CSMD2: variants seen among roughly 807,000 people sequenced by gnomAD.
CSMD2 encodes the protein CUB and sushi domain-containing protein 2.
CSMD2 carries 130 observed loss-of-function variants against 398.5 expected under a neutral mutation model. The observed-to-expected ratio is 0.33, with a 90% CI of 0.28 to 0.38. The LOEUF is 0.38. Ranked by LOEUF, CSMD2 falls within the 10% of genes least tolerant of loss-of-function variation. The pLI is 1.00. For missense variants in CSMD2, 3,829 were observed against 4,764.9 expected, an observed-to-expected ratio of 0.80 and a Z score of 5.78; for synonymous variants, 1,828 against 1,908.5, an observed-to-expected ratio of 0.96 and a Z score of 1.10.
intron 2 of CSMD2, among the ~76,000 whole-genome samples, chr1:34,049,617 G>C (rs1454829985): frequency 2.6e-5 from 4 of 152,174 alleles, no homozygotes; most frequent in Non-Finnish European, 4.4e-5. Context: ...CAAGTGTATA[G>C]AGTGAGGTGC....
rs564949396 is a variant in CSMD2 at position 33,533,387 on chromosome 1, A to G, written c.9992-158T>C. On this transcript the variant is annotated intron_variant, in intron 63 of 70. Coordinates refer to ENST00000373381, the MANE Select transcript of CSMD2 (RefSeq NM_001281956.2). The surrounding 1 kb of genome is among the most constrained non-coding windows in gnomAD (Gnocchi z 4.2). ...CTCCCTAATCCTCCACCCTAACCCA[A>G]GCTCTGTGTCTAGAGGAATGGCCAA... Among the ~76,000 whole-genome samples, 35 of 152,166 alleles carry G rather than the reference A, an allele frequency of 2.3e-4. No individual in the cohort carries two copies. In the East Asian group the frequency reaches 6.4e-3, roughly 28 times the overall value.
intron 24 of CSMD2, among the ~76,000 whole-genome samples, chr1:33,696,443 T>C (rs1645421404): frequency 6.6e-6 from 1 of 152,090 alleles, no homozygotes; most frequent in Admixed American, 6.5e-5. Flanking sequence ...CAAGGTGCTG[T>C]TGGGGTGGGA....
intron 5 of CSMD2, among the ~76,000 whole-genome samples, chr1:33,897,879 C>T (rs10914808): frequency 0.82 from 124,136 of 152,258 alleles, 51,403 homozygotes; most frequent in African/African-American, 0.95. Context: ...AGAGACCCGA[C>T]GGAGGAGGTA....
intron 11 of CSMD2, among the ~76,000 whole-genome samples, chr1:33,790,276 G>GAGA (rs1654070603): frequency 3.3e-5 from 5 of 152,318 alleles, no homozygotes; most frequent in Non-Finnish European, 7.4e-5. Context: ...GGGTGTTTCT[G>GAGA]TGAGAGTGTG....
At chr1:33,976,926 C>A (rs1645987398) in intron 3 of CSMD2, among the ~76,000 whole-genome samples, 1 of 151,920 alleles carries the variant, frequency 6.6e-6, no homozygotes, top group Admixed American at 6.6e-5. Flanking sequence ...TCGTGGAGTT[C>A]AGAGCTTTTC....
In CSMD2 at chr1:33,520,628, G is replaced by A. The variant is rs113662674; in HGVS notation, c.10598-678C>T. Among the ~76,000 whole-genome samples the A allele has an allele frequency of 2.7e-3, 410 of 152,352 alleles. 1 individual carries two copies. The highest frequency in any genetic ancestry group is 9.5e-3 in the African/African-American group (397 of 41,580). On this transcript the variant is annotated intron_variant, in intron 68 of 70. Transcript: ENST00000373381. ...AGTGGTCTCAGTCCATGCAGCTCAT[G>A]AGGGCAGAGCTGGGACAACTCCGGG...
chr1:33,876,621 G>A (rs532280215), intron 5 of CSMD2, among the ~76,000 whole-genome samples: 1 of 152,324 alleles, frequency 6.6e-6, no homozygotes, highest in East Asian at 1.9e-4. Flanking sequence ...GAGACACAGA[G>A]AGGTTAGGCG....
chr1:34,093,838 G>A (rs1488571648), intron 1 of CSMD2, among the ~76,000 whole-genome samples: 2 of 152,146 alleles, frequency 1.3e-5, no homozygotes, highest in African/African-American at 2.4e-5. Flanking sequence ...CACTCTGCAG[G>A]ATATTATCCC....
At chr1:33,672,198 G>A (rs1644527232) in intron 25 of CSMD2, among the ~76,000 whole-genome samples, 1 of 152,240 alleles carries the variant, frequency 6.6e-6, no homozygotes, top group South Asian at 2.1e-4. Flanking sequence ...AGCACAAGGG[G>A]TCAGGAAATT....
chr1:33,935,657 G>T, intron 4 of CSMD2, 103 bp downstream of exon 4: 1 of 1,245,246 alleles, frequency 8.0e-7, no homozygotes, highest in East Asian at 2.6e-5. Flanking sequence ...CCCCCTCCCT[G>T]CTGGGGTGTA....
chr1:33,963,410 C>T (rs1315983018), intron 3 of CSMD2, among the ~76,000 whole-genome samples: 7 of 152,218 alleles, frequency 4.6e-5, no homozygotes, highest in Non-Finnish European at 1.0e-4. Flanking sequence ...AAAGTGTACA[C>T]ACTTTATTTT....
Position 33,519,054 on chromosome 1 carries a change from A to G in CSMD2, c.*53+411T>C, listed in dbSNP as rs1487645190. On this transcript the variant is annotated intron_variant, in intron 70 of 70. Coordinates refer to ENST00000373381, the MANE Select transcript of CSMD2 (RefSeq NM_001281956.2). The surrounding 1 kb of genome is among the most constrained non-coding windows in gnomAD (Gnocchi z 5.6). The stretch of plus-strand genomic sequence containing the variant: ...TGACTTCGACCCAGAGGATGTATAT[A>G]TCCAGTTGGTTCTGTTTCTCTAGAG... 6.6e-6 allele frequency among the ~76,000 whole-genome samples: 1 copy of G among 152,126 alleles called. No homozygotes were observed. Among genetic ancestry groups the G allele is most frequent in the Non-Finnish European group, 1.5e-5 (1 of 68,026 alleles).
chr1:33,968,450 G>A (rs1354872944), intron 3 of CSMD2, among the ~76,000 whole-genome samples: 1 of 152,228 alleles, frequency 6.6e-6, no homozygotes, highest in Non-Finnish European at 1.5e-5. Flanking sequence ...GGGATGGGAT[G>A]TCACCCCTAT....
chr1:34,061,054 A>G (rs1023424178), intron 2 of CSMD2, among the ~76,000 whole-genome samples: 2 of 152,052 alleles, frequency 1.3e-5, no homozygotes, highest in Non-Finnish European at 2.9e-5. Context: ...GCACTTCCCA[A>G]CCCCTGCAGC....
chr1:33,974,316 C>T (rs1645880331), intron 3 of CSMD2, among the ~76,000 whole-genome samples: 1 of 152,204 alleles, frequency 6.6e-6, no homozygotes, highest in Non-Finnish European at 1.5e-5. Flanking sequence ...GTTCCAGAAA[C>T]TGATAACCCA....
chr1:33,557,616 AG>A (rs1658136629), intron 55 of CSMD2, 117 bp downstream of exon 55: 1 of 848,514 alleles, frequency 1.2e-6, no homozygotes, highest in Non-Finnish European at 1.7e-6. Context: ...ATACATGTGC[AG>A]ACACACACAC....
chr1:33,832,994 T>C (rs1212705416), intron 6 of CSMD2, among the ~76,000 whole-genome samples: 1 of 150,684 alleles, frequency 6.6e-6, no homozygotes, highest in Non-Finnish European at 1.5e-5. Flanking sequence ...GGATCTGAAA[T>C]TGTGGCAATA....
intron 6 of CSMD2, among the ~76,000 whole-genome samples, chr1:33,832,314 C>G (rs544864919): frequency 3.0e-4 from 45 of 152,088 alleles, no homozygotes; most frequent in Admixed American, 2.6e-3. Context: ...CAAACTGTCT[C>G]TCAGAACACA....
At position 33,963,251 on chromosome 1, in the gene CSMD2, C is replaced by T. The variant is rs559854155; in HGVS notation, c.518-27297G>A. 4.6e-5 allele frequency among the ~76,000 whole-genome samples: 7 copies of T among 152,328 alleles called. No individual in the cohort carries two copies. The East Asian group carries it at 1.4e-3, about 29-fold the overall frequency. On this transcript the variant is annotated intron_variant, in intron 3 of 70. Coordinates refer to ENST00000373381, the MANE Select transcript of CSMD2 (RefSeq NM_001281956.2). ...TCTCCTCACTGCATCTGCTCTTCTG[C>T]ACCTTGACAGCCCATTGGAATCTCT...
Sources: allele counts gnomAD v4.1 joint callset (sites outside exome capture counted in the v4.1 genomes callset), GRCh38; gene constraint gnomAD v4.1.1; non-coding constraint Gnocchi (gnomAD v3.1); transcripts MANE v1.5; gene names NCBI Gene and HGNC (gene_info 2026-07-23, HGNC 2026-07-21).